ADARB2: variants seen among roughly 807,000 people sequenced by gnomAD.
ADARB2 encodes adenosine deaminase RNA specific B2 (inactive), also known as inactive double-stranded RNA-specific editase B2.
ADARB2 carries 25 observed loss-of-function variants against 62.2 expected under a neutral mutation model. The observed-to-expected ratio is 0.40, with a 90% CI of 0.29 to 0.56. The LOEUF (loss-of-function observed/expected upper bound fraction) is 0.56, where lower values mean the gene tolerates loss of function less well. Among genes scored for constraint, ADARB2 ranks in the 20% least tolerant of loss-of-function variants. The pLI is 0.43. For synonymous variants in ADARB2, 572 were observed against 500.8 expected (o/e 1.14, Z -1.90); for missense variants, 1,071 against 1,077.4 (o/e 0.99, Z 0.08).
chr10:1,596,479 T>C (rs1833337169), intron 1 of ADARB2, among the ~76,000 whole-genome samples: 1 of 151,968 alleles, frequency 6.6e-6, no homozygotes, highest in South Asian at 2.1e-4. Flanking sequence ...GGGAGAGAAA[T>C]GTCACTTAAC....
chr10:1,553,438 C>T (rs555225833), intron 1 of ADARB2, among the ~76,000 whole-genome samples: 1 of 152,250 alleles, frequency 6.6e-6, no homozygotes, highest in African/African-American at 2.4e-5. Flanking sequence ...CTCACTAAAA[C>T]GTTTGGCCTG....
At chr10:1,660,747 T>A (rs1834236199) in intron 1 of ADARB2, among the ~76,000 whole-genome samples, 1 of 152,202 alleles carries the variant, frequency 6.6e-6, no homozygotes, top group Admixed American at 6.5e-5. Context: ...CCAAAGTCTC[T>A]GAACTTTTGA....
At chr10:1,716,526 T>C (rs1016454460) in intron 1 of ADARB2, among the ~76,000 whole-genome samples, 10 of 152,246 alleles carry the variant, frequency 6.6e-5, no homozygotes, top group Non-Finnish European at 1.3e-4. Context: ...GGCATTAATG[T>C]ATCATTCCCT....
intron 1 of ADARB2, among the ~76,000 whole-genome samples, chr10:1,728,127 C>G (rs1835189913): frequency 6.6e-6 from 1 of 152,210 alleles, no homozygotes; most frequent in Non-Finnish European, 1.5e-5. Context: ...TTCCTTCACA[C>G]CAATGTGGTT....
rs1831421801 is a variant in ADARB2 at position 1,477,784 on chromosome 10, T to C, written c.101-98624A>G. On this transcript the variant is annotated intron_variant, in intron 1 of 9. Transcript: ENST00000381312. This position sits in a 1 kb window ranked among gnomAD's most constrained non-coding sequence, Gnocchi z 4.5. ...CACAGCCACGTGTTATTTCATGCTATGTTTAAATCTAACTTGGGACTTCTG... is the reference window on the plus strand; with the variant it reads ...CACAGCCACGTGTTATTTCATGCTACGTTTAAATCTAACTTGGGACTTCTG... Among the ~76,000 whole-genome samples the C allele has an allele frequency of 6.6e-6, 1 of 152,262 alleles. No homozygotes were observed. Among genetic ancestry groups the C allele is most frequent in the East Asian group, 1.9e-4 (1 of 5,204 alleles).
chr10:1,199,621 CCAGGTGGG>C (rs72464426), intron 8 of ADARB2: 65,924 of 238,106 alleles, frequency 0.28, 9,930 homozygotes, highest in African/African-American at 0.38. Context: ...CTGTGGGCGG[CCAGGTGGG>C]CAGGTGGGCA....
intron 7 of ADARB2, among the ~76,000 whole-genome samples, chr10:1,203,462 G>C (rs1837012870): frequency 6.6e-6 from 1 of 152,222 alleles, no homozygotes; most frequent in Non-Finnish European, 1.5e-5. Context: ...GGCCCTGTGA[G>C]GAGAAGTAAC....
intron 1 of ADARB2, among the ~76,000 whole-genome samples, chr10:1,617,837 T>C (rs903146889): frequency 3.3e-5 from 5 of 152,268 alleles, no homozygotes; most frequent in Non-Finnish European, 4.4e-5. Flanking sequence ...TCTGTTGGTT[T>C]CAGTGATAGG....
intron 6 of ADARB2, among the ~76,000 whole-genome samples, chr10:1,222,733 C>T (rs573612274): frequency 8.1e-5 from 12 of 148,294 alleles, no homozygotes; most frequent in East Asian, 1.9e-4. Flanking sequence ...TGTAGATATG[C>T]GGCATTATTT....
At chr10:1,294,481 T>C (rs77302079) in intron 3 of ADARB2, among the ~76,000 whole-genome samples, 8,531 of 152,230 alleles carry the variant, frequency 0.056, 842 homozygotes, top group African/African-American at 0.19. Flanking sequence ...TGATGGCGTT[T>C]CACCTTACAG....
intron 1 of ADARB2, among the ~76,000 whole-genome samples, chr10:1,658,801 G>A (rs536569359): frequency 3.9e-5 from 6 of 152,370 alleles, no homozygotes; most frequent in South Asian, 2.1e-4. Flanking sequence ...CCTTTGTGTC[G>A]TGTGCTCTGA....
At chr10:1,475,149 G>A (rs1564301163) in intron 1 of ADARB2, among the ~76,000 whole-genome samples, 1 of 152,046 alleles carries the variant, frequency 6.6e-6, no homozygotes, top group Non-Finnish European at 1.5e-5. Context: ...GACCCCCGGG[G>A]AGGGTCCGGC....
At chr10:1,616,611 G>C (rs1393447797) in intron 1 of ADARB2, among the ~76,000 whole-genome samples, 35 of 141,190 alleles carry the variant, frequency 2.5e-4, no homozygotes, top group East Asian at 2.2e-4. Context: ...TGGCCTCAGA[G>C]GGTTGCATTC....
chr10:1,312,799 G>A (rs1005193812), intron 3 of ADARB2, among the ~76,000 whole-genome samples: 1 of 152,196 alleles, frequency 6.6e-6, no homozygotes, highest in Admixed American at 6.5e-5. Context: ...GCACACAGCT[G>A]CCATGCAGTG....
chr10:1,680,344 C>G (rs1172941571), intron 1 of ADARB2, among the ~76,000 whole-genome samples: 1 of 152,022 alleles, frequency 6.6e-6, no homozygotes, highest in South Asian at 2.1e-4. Context: ...CTTGAAATAA[C>G]CTTTGGGTCC....
intron 1 of ADARB2, among the ~76,000 whole-genome samples, chr10:1,576,004 T>C (rs1368679999): frequency 2.8e-5 from 1 of 35,484 alleles, no homozygotes; most frequent in African/African-American, 1.3e-4. Flanking sequence ...AAAGGGAAGT[T>C]CAGGATCCAT....
chr10:1,464,151 G>C lies in ADARB2; in HGVS notation c.101-84991C>G, dbSNP rs371601424. 1.6e-3 allele frequency among the ~76,000 whole-genome samples: 246 copies of C among 151,046 alleles called. 2 individuals are homozygous for C. The highest frequency in any genetic ancestry group is 2.9e-3 in the East Asian group (15 of 5,110). On this transcript the variant is annotated intron_variant, in intron 1 of 9. Coordinates refer to ENST00000381312, the MANE Select transcript of ADARB2 (RefSeq NM_018702.4). The stretch of plus-strand genomic sequence containing the variant: ...GGTGGACACACACTCCCCCACACAC[G>C]CGCGGGGGGCAGTCACAGCGGGCAG...
At chr10:1,369,351 A>G (rs1832344437) in intron 2 of ADARB2, among the ~76,000 whole-genome samples, 1 of 152,038 alleles carries the variant, frequency 6.6e-6, no homozygotes, top group Admixed American at 6.5e-5. Flanking sequence ...TCCTGCACTC[A>G]CCAGGGTCTC....
chr10:1,598,271 C>A (rs1039178975), intron 1 of ADARB2, among the ~76,000 whole-genome samples: 3 of 151,772 alleles, frequency 2.0e-5, no homozygotes, highest in Non-Finnish European at 4.4e-5. Flanking sequence ...CTGCTGGGTG[C>A]CCTGCTCACA....
Sources: gnomAD v4.1 joint callset for allele counts (sites outside exome capture counted in the v4.1 genomes callset) on GRCh38, gnomAD v4.1.1 for gene constraint, Gnocchi (gnomAD v3.1) non-coding constraint, MANE v1.5 for transcripts, NCBI Gene and HGNC (gene_info 2026-07-23, HGNC 2026-07-21) for gene names.